Variants in OR2C1 observed in about 807,000 individuals in gnomAD.
The protein encoded by OR2C1 is olfactory receptor 2C1.
For synonymous variants in OR2C1, 209 were observed against 167.3 expected, an observed-to-expected ratio of 1.25 and a Z score of -1.92; for missense variants, 468 against 388.3, an observed-to-expected ratio of 1.21 and a Z score of -1.73.
chr16:3,356,041 C>T lies in OR2C1; in HGVS notation c.101C>T (p.Ser34Phe), dbSNP rs781061516. 1 of 1,614,108 alleles carries T rather than the reference C, an allele frequency of 6.2e-7. No individual in the cohort carries two copies. The highest frequency in any genetic ancestry group is 1.1e-5 in the South Asian group (1 of 91,076). Residue 34 changes from serine (S) to phenylalanine (F), a missense_variant, in exon 1 of 1, where the codon TCC (serine) becomes TTC (phenylalanine). Transcript: ENST00000304936. ...EMIFFIAILFSYLLTLLGNST... is the reference protein window; with the variant it reads ...EMIFFIAILFFYLLTLLGNST... ...ATCTTTTTTATAGCCATCCTCTTCTCCTATTTGCTGACCCTACTTGGGAAC... is the reference window on the plus strand; with the variant it reads ...ATCTTTTTTATAGCCATCCTCTTCTTCTATTTGCTGACCCTACTTGGGAAC...
At chr16:3,324,208 T>C in the OR2C1 span, among the ~76,000 whole-genome samples, 1 of 152,196 alleles carries the variant, frequency 6.6e-6, no homozygotes, top group African/African-American at 2.4e-5. Context: ...TTTTATTTTT[T>C]GGAGACAGAG....
upstream of OR2C1, among the ~76,000 whole-genome samples, chr16:3,353,041 C>T (rs1596413997): frequency 6.6e-6 from 1 of 151,966 alleles, no homozygotes; most frequent in East Asian, 2.0e-4. Flanking sequence ...CTGCGCCCGG[C>T]CCTGTCTATT....
chr16:3,358,042 A>G (rs1234178987), downstream of OR2C1, among the ~76,000 whole-genome samples: 1 of 151,942 alleles, frequency 6.6e-6, no homozygotes, highest in Non-Finnish European at 1.5e-5. Context: ...CCATCCATAT[A>G]TCTCTCCATC....
chr16:3,337,316 A>C, the OR2C1 span, among the ~76,000 whole-genome samples: 1 of 151,672 alleles, frequency 6.6e-6, no homozygotes, highest in Non-Finnish European at 1.5e-5. Context: ...CACCATGCCC[A>C]GCTAATTTTT....
chr16:3,334,113 C>T, the OR2C1 span, among the ~76,000 whole-genome samples: 17 of 151,480 alleles, frequency 1.1e-4, no homozygotes, highest in East Asian at 3.9e-4. Flanking sequence ...GCTGGAACTA[C>T]GCGTGTGCCC....
chr16:3,333,211 A>C, the OR2C1 span, among the ~76,000 whole-genome samples: 62 of 65,800 alleles, frequency 9.4e-4, 1 homozygote, highest in African/African-American at 3.7e-3. Context: ...TCTTTTGCCC[A>C]TTTTTTTTTT....
At chr16:3,329,197 C>CACAG in the OR2C1 span, among the ~76,000 whole-genome samples, 3 of 150,866 alleles carry the variant, frequency 2.0e-5, no homozygotes, top group African/African-American at 7.3e-5. Flanking sequence ...CACACACACA[C>CACAG]ACACACACAC....
chr16:3,327,485 T>C, the OR2C1 span, among the ~76,000 whole-genome samples: 4 of 151,994 alleles, frequency 2.6e-5, no homozygotes, highest in Non-Finnish European at 5.9e-5. Context: ...CAAAAAACTT[T>C]ACTGACAACT....
chr16:3,347,560 G>A, the OR2C1 span, among the ~76,000 whole-genome samples: 1 of 151,390 alleles, frequency 6.6e-6, no homozygotes, highest in Non-Finnish European at 1.5e-5. Context: ...CATAACAACT[G>A]CTTGCTTTTT....
the OR2C1 span, among the ~76,000 whole-genome samples, chr16:3,324,838 C>T: frequency 6.6e-6 from 1 of 152,136 alleles, no homozygotes; most frequent in Admixed American, 6.5e-5. Flanking sequence ...AAATATATTG[C>T]AGGTTTGGTT....
the OR2C1 span, among the ~76,000 whole-genome samples, chr16:3,347,784 GCA>G: frequency 8.0e-5 from 12 of 150,272 alleles, no homozygotes; most frequent in East Asian, 3.9e-4. Flanking sequence ...ATGCACACAC[GCA>G]CACACACATG....
the OR2C1 span, among the ~76,000 whole-genome samples, chr16:3,335,098 C>T: frequency 6.6e-6 from 1 of 151,942 alleles, no homozygotes; most frequent in Non-Finnish European, 1.5e-5. Flanking sequence ...GGATTACAGG[C>T]GTGAGCCACC....
upstream of OR2C1, chr16:3,355,803 T>C: frequency 4.7e-6 from 3 of 642,764 alleles, no homozygotes; most frequent in Non-Finnish European, 8.0e-6. Flanking sequence ...AAAAAATAGG[T>C]TGTTACTTAA....
At chr16:3,341,469 T>C in the OR2C1 span, among the ~76,000 whole-genome samples, 2 of 152,214 alleles carry the variant, frequency 1.3e-5, no homozygotes, top group African/African-American at 4.8e-5. Flanking sequence ...ATAAAACTTC[T>C]AGTATAATGC....
the OR2C1 span, among the ~76,000 whole-genome samples, chr16:3,341,253 TTGA>T: frequency 0.025 from 3,734 of 152,200 alleles, 139 homozygotes; most frequent in African/African-American, 0.084. Flanking sequence ...AATTTGTTTA[TTGA>T]TGATATATTG....
At chr16:3,333,416 A>G in the OR2C1 span, among the ~76,000 whole-genome samples, 3 of 151,574 alleles carry the variant, frequency 2.0e-5, no homozygotes, top group South Asian at 2.1e-4. Flanking sequence ...GCTCACTGCA[A>G]GCTCCGCCTC....
At chr16:3,327,989 GAAGAAAA>G in the OR2C1 span, among the ~76,000 whole-genome samples, 3 of 152,062 alleles carry the variant, frequency 2.0e-5, no homozygotes, top group Non-Finnish European at 2.9e-5. Context: ...TAACTTCTAA[GAAGAAAA>G]ATGAACCTCA....
the OR2C1 span, among the ~76,000 whole-genome samples, chr16:3,331,560 T>C: frequency 6.6e-6 from 1 of 150,602 alleles, no homozygotes; most frequent in Non-Finnish European, 1.5e-5. Context: ...GAATTGATTT[T>C]TGTATAAGGT....
At chr16:3,342,680 T>C in the OR2C1 span, among the ~76,000 whole-genome samples, 2 of 151,956 alleles carry the variant, frequency 1.3e-5, no homozygotes, top group African/African-American at 2.4e-5. Flanking sequence ...GAGTTCGAGA[T>C]CAGCCTGGCC....
Sources: allele counts gnomAD v4.1 joint callset (sites outside exome capture counted in the v4.1 genomes callset), GRCh38; gene constraint gnomAD v4.1.1; transcripts MANE v1.5; gene names NCBI Gene and HGNC (gene_info 2026-07-23, HGNC 2026-07-21).